The following PIBF1 variants were observed in gnomAD, a reference collection of about 807,000 sequenced individuals.
PIBF1 encodes the protein progesterone immunomodulatory binding factor 1, also known as progesterone-induced-blocking factor 1.
A neutral mutation model predicts 112.5 loss-of-function variants in PIBF1; 90 were observed. The observed-to-expected ratio is 0.80, with a 90% CI of 0.67 to 0.95. The LOEUF (loss-of-function observed/expected upper bound fraction) is 0.95, where lower values mean the gene tolerates loss of function less well. Ranked by LOEUF, PIBF1 falls within the 40% of genes least tolerant of loss-of-function variation. PIBF1 has a pLI of 0.00. For missense variants in PIBF1, 915 were observed against 852.3 expected, an observed-to-expected ratio of 1.07 and a Z score of -0.92; for synonymous variants, 301 against 288.6, an observed-to-expected ratio of 1.04 and a Z score of -0.44.
At chr13:72,831,371 A>G (rs950958299) in intron 8 of PIBF1, among the ~76,000 whole-genome samples, 3 of 152,116 alleles carry the variant, frequency 2.0e-5, no homozygotes, top group African/African-American at 7.2e-5. Flanking sequence ...TGTCAGTTTT[A>G]GATCTTTCCT....
intron 13 of PIBF1, among the ~76,000 whole-genome samples, chr13:72,928,016 C>CATTTATATACAT: frequency 1.9e-5 from 1 of 53,982 alleles, no homozygotes; most frequent in East Asian, 5.7e-4. Flanking sequence ...CATATATATA[C>CATTTATATACAT]ATATATATAC....
chr13:72,790,695 G>A (rs1288657115), intron 2 of PIBF1, among the ~76,000 whole-genome samples: 1 of 152,138 alleles, frequency 6.6e-6, no homozygotes, highest in Non-Finnish European at 1.5e-5. Flanking sequence ...TATTTAGTGA[G>A]TTAAGAAAAC....
At chr13:73,010,805 C>CTTCTCTTTTTT (rs1396150238) in intron 17 of PIBF1, among the ~76,000 whole-genome samples, 1 of 52,594 alleles carries the variant, frequency 1.9e-5, no homozygotes. Context: ...AAATCATTAA[C>CTTCTCTTTTTT]TTTTCTTTTT....
intron 10 of PIBF1, 57 bp from the exon 11 acceptor site, chr13:72,893,727 A>T: frequency 9.2e-7 from 1 of 1,082,596 alleles, no homozygotes; most frequent in Non-Finnish European, 1.3e-6. Flanking sequence ...GTTTATGATT[A>T]CTTAAATCAT....
chr13:72,792,416 T>C (rs2034979267), intron 2 of PIBF1, 31 bp from the exon 3 acceptor site: 1 of 1,264,634 alleles, frequency 7.9e-7, no homozygotes, highest in Admixed American at 2.3e-5. Flanking sequence ...TTATGACAAA[T>C]CATATAATTT....
chr13:72,877,956 T>G (rs1594107936), intron 10 of PIBF1, among the ~76,000 whole-genome samples: 1 of 151,798 alleles, frequency 6.6e-6, no homozygotes, highest in Admixed American at 6.6e-5. Flanking sequence ...TCCATGTTGG[T>G]CAGGCTGGTC....
At chr13:72,898,863 AAAATT>A (rs2040379781) in intron 11 of PIBF1, among the ~76,000 whole-genome samples, 2 of 151,822 alleles carry the variant, frequency 1.3e-5, no homozygotes, top group African/African-American at 4.8e-5. Context: ...AAAAAAAAAA[AAAATT>A]GATAGACCAT....
At chr13:72,963,294 G>A (rs2042653991) in intron 14 of PIBF1, among the ~76,000 whole-genome samples, 1 of 152,138 alleles carries the variant, frequency 6.6e-6, no homozygotes, top group Admixed American at 6.6e-5. Context: ...AAAAAATTGT[G>A]AGTTAAAGGA....
At chr13:72,881,205 A>C (rs1313362269) in intron 10 of PIBF1, 1 of 152,014 alleles carries the variant, frequency 6.6e-6, no homozygotes, top group East Asian at 1.9e-4. Context: ...TGTGCTGCTG[A>C]AATGAGCACA....
chr13:72,819,630 T>C (rs1043690338), intron 5 of PIBF1, among the ~76,000 whole-genome samples: 11 of 152,096 alleles, frequency 7.2e-5, no homozygotes, highest in Admixed American at 2.0e-4. Flanking sequence ...TTTTTTCATC[T>C]GTGAAACTGG....
chr13:72,837,003 TCTC>T (rs1427423481), intron 9 of PIBF1, among the ~76,000 whole-genome samples: 4 of 152,056 alleles, frequency 2.6e-5, no homozygotes, highest in Admixed American at 1.3e-4. Context: ...TTCTTGTTCT[TCTC>T]TTATTTGAGC....
intron 14 of PIBF1, among the ~76,000 whole-genome samples, chr13:72,960,030 G>A (rs1019106354): frequency 6.6e-6 from 1 of 152,098 alleles, no homozygotes. Flanking sequence ...TTTCAAACAT[G>A]GAATTAGCAT....
intron 8 of PIBF1, among the ~76,000 whole-genome samples, chr13:72,834,897 T>A (rs1012847706): frequency 2.6e-5 from 4 of 152,200 alleles, no homozygotes; most frequent in Admixed American, 1.3e-4. Context: ...CACATTATTA[T>A]TTTTAAATGA....
In PIBF1 at chr13:72,827,911, C is replaced by G. The variant is rs746360613; in HGVS notation, c.1094C>G (p.Ser365Cys). 8.4e-6 allele frequency: 13 copies of G among 1,553,904 alleles called. No homozygotes were observed. The highest frequency in any genetic ancestry group is 1.0e-5 in the Non-Finnish European group (12 of 1,147,224). The change falls in exon 8 of 18, where the codon TCC (serine) becomes TGC (cysteine). Residue 365 changes from serine to cysteine, a missense_variant. By Grantham distance (112) the Ser-to-Cys change is moderately radical (BLOSUM62 -1). Coordinates refer to ENST00000326291, the MANE Select transcript of PIBF1 (RefSeq NM_006346.4). The stretch of plus-strand genomic sequence containing the variant: ...GAGATGTATGAAAAATATGTAGCAT[C>G]CAGGCAAGATTTGCATTATTTCCCA... ...REEMYEKYVA[S>C]RDHYKTEYEN...
intron 14 of PIBF1, among the ~76,000 whole-genome samples, chr13:72,939,981 G>A (rs923473891): frequency 2.6e-4 from 39 of 152,074 alleles, no homozygotes; most frequent in African/African-American, 8.0e-4. Context: ...TTAGTCACTG[G>A]CTGTAAGCAA....
chr13:73,012,165 A>T (rs1265108791), intron 17 of PIBF1, among the ~76,000 whole-genome samples: 1 of 152,110 alleles, frequency 6.6e-6, no homozygotes, highest in East Asian at 1.9e-4. Flanking sequence ...CAGCCTGACC[A>T]ACATGGTGAA....
intron 15 of PIBF1, among the ~76,000 whole-genome samples, chr13:72,972,221 G>A (rs986177472): frequency 6.6e-6 from 1 of 151,218 alleles, no homozygotes; most frequent in Non-Finnish European, 1.5e-5. Context: ...TTAAGAGATG[G>A]GGGTCTCTCT....
At chr13:72,968,299 T>TTTTTCTTTTC (rs796391802) in intron 15 of PIBF1, among the ~76,000 whole-genome samples, 23 of 152,122 alleles carry the variant, frequency 1.5e-4, no homozygotes, top group African/African-American at 5.5e-4. Flanking sequence ...GTTGTTCTTT[T>TTTTTCTTTTC]TTTTCTTTTC....
intron 16 of PIBF1, among the ~76,000 whole-genome samples, chr13:72,984,161 C>T (rs923968664): frequency 2.6e-5 from 4 of 152,000 alleles, no homozygotes; most frequent in African/African-American, 9.7e-5. Context: ...AAAAATACTG[C>T]AAATGTTGAA....
Sources: gnomAD v4.1 joint callset for allele counts (sites outside exome capture counted in the v4.1 genomes callset) on GRCh38, gnomAD v4.1.1 for gene constraint, MANE v1.5 for transcripts, NCBI Gene and HGNC (gene_info 2026-07-23, HGNC 2026-07-21) for gene names.